IL1RAPL1: variants seen among roughly 807,000 people sequenced by gnomAD.
The protein encoded by IL1RAPL1 is interleukin-1 receptor accessory protein-like 1.
Under a neutral mutation model 48.4 loss-of-function variants are expected in IL1RAPL1, and 3 were observed. That is an observed-to-expected ratio of 0.06 (90% CI 0.03 to 0.16). IL1RAPL1 has a LOEUF of 0.16. Among genes scored for constraint, IL1RAPL1 ranks in the 10% least tolerant of loss-of-function variants. The probability of loss-of-function intolerance (pLI) is 1.00; values close to 1 mark genes in which losing one functional copy is unlikely to be tolerated. For synonymous variants in IL1RAPL1, 185 were observed against 187.7 expected, an observed-to-expected ratio of 0.99 and a Z score of 0.12; for missense variants, 349 against 530.6, an observed-to-expected ratio of 0.66 and a Z score of 3.36.
chrX:29,313,331 A>G lies in IL1RAPL1; in HGVS notation c.362+30114A>G, dbSNP rs772027418. Among the ~76,000 whole-genome samples, 234 of 108,925 alleles carry G rather than the reference A, an allele frequency of 2.1e-3. 1 individual carries two copies. The highest frequency in any genetic ancestry group is 7.6e-3 in the African/African-American group (228 of 29,846). 94.6% of individuals were successfully genotyped at this position (108,925 alleles called of 115,157 possible). Reference sequence around the variant, plus strand: ...CACGCTCATAGTCTGTCTTTTCCCAACTTCGACAATTGTCCCACTGATTTC... The same window carrying G: ...CACGCTCATAGTCTGTCTTTTCCCAGCTTCGACAATTGTCCCACTGATTTC... On this transcript the variant is annotated intron_variant, in intron 3 of 10. Transcript: ENST00000378993.
intron 2 of IL1RAPL1, among the ~76,000 whole-genome samples, chrX:29,018,043 A>T (rs895644676): frequency 8.9e-6 from 1 of 111,740 alleles, no homozygotes; most frequent in African/African-American, 3.3e-5. Flanking sequence ...GATCATGGAA[A>T]TAACTGAATT....
rs962181935 is a variant in IL1RAPL1, at chrX:29,701,014, T to C, written c.778+32510T>C. On this transcript the variant is annotated intron_variant, in intron 6 of 10. Coordinates refer to ENST00000378993, the MANE Select transcript of IL1RAPL1 (RefSeq NM_014271.4). ...TGAATCTACAAACTTTCAGGAACTT[T>C]GATTACAAGGACCATCAGAGAAAGG... Among the ~76,000 whole-genome samples the C allele has an allele frequency of 2.7e-5, 3 of 112,184 alleles. No homozygotes were observed. The East Asian group carries it at 8.4e-4, about 31-fold the overall frequency.
intron 1 of IL1RAPL1, among the ~76,000 whole-genome samples, chrX:28,682,965 C>T (rs901031959): frequency 3.6e-5 from 4 of 111,935 alleles, no homozygotes; most frequent in Admixed American, 1.9e-4. Flanking sequence ...TCCAGAGAAA[C>T]CACAGATTCT....
intron 2 of IL1RAPL1, among the ~76,000 whole-genome samples, chrX:28,857,353 A>AT (rs1273230287): frequency 8.9e-6 from 1 of 112,041 alleles, no homozygotes; most frequent in East Asian, 2.8e-4. Context: ...TAAACAATAG[A>AT]TTTTTGGTGT....
chrX:29,691,738 G>A (rs984822357), intron 6 of IL1RAPL1, among the ~76,000 whole-genome samples: 1 of 81,282 alleles, frequency 1.2e-5, no homozygotes, highest in South Asian at 7.8e-4. Flanking sequence ...GCGACAGAGC[G>A]AGACTCCGTC....
At chrX:28,851,788 C>A (rs1156610025) in intron 2 of IL1RAPL1, among the ~76,000 whole-genome samples, 1 of 111,962 alleles carries the variant, frequency 8.9e-6, no homozygotes, top group Non-Finnish European at 1.9e-5. Context: ...ACGGAACCCC[C>A]AAATGACACC....
intron 2 of IL1RAPL1, among the ~76,000 whole-genome samples, chrX:28,945,901 A>ATG (rs202053693): frequency 0.018 from 1,737 of 94,657 alleles, 33 homozygotes; most frequent in African/African-American, 0.063. Context: ...ATATATATAT[A>ATG]TATGTGTGTG....
intron 8 of IL1RAPL1, among the ~76,000 whole-genome samples, chrX:29,931,046 C>G (rs1214548552): frequency 9.0e-6 from 1 of 111,589 alleles, no homozygotes; most frequent in Non-Finnish European, 1.9e-5. Flanking sequence ...GACTTCTTCT[C>G]AAGTTTGTCA....
Position 28,722,202 on chromosome X carries a change from T to C in IL1RAPL1, c.-24-67118T>C, listed in dbSNP as rs1426211587. On this transcript the variant is annotated intron_variant, in intron 1 of 10. Coordinates refer to ENST00000378993, the MANE Select transcript of IL1RAPL1 (RefSeq NM_014271.4). ...ACCTTGGGCAGTATGGCCATTTTCATGATATTAATTCTTCCTATCCATGAG... is the reference window on the plus strand; with the variant it reads ...ACCTTGGGCAGTATGGCCATTTTCACGATATTAATTCTTCCTATCCATGAG... Among the ~76,000 whole-genome samples, 3 of 111,713 alleles carry C rather than the reference T, an allele frequency of 2.7e-5. No individual in the cohort carries two copies. In the East Asian group the frequency reaches 8.4e-4, roughly 31 times the overall value.
chrX:28,906,375 G>A (rs1419240841), intron 2 of IL1RAPL1, among the ~76,000 whole-genome samples: 1 of 112,274 alleles, frequency 8.9e-6, no homozygotes, highest in East Asian at 2.8e-4. Context: ...CAAAGGCTCT[G>A]AGTCAGAAGC....
At chrX:29,807,621 CAAAAA>C (rs60391165) in intron 6 of IL1RAPL1, among the ~76,000 whole-genome samples, 28 of 26,017 alleles carry the variant, frequency 1.1e-3, no homozygotes, top group South Asian at 9.2e-3. Flanking sequence ...TCTCTCAAGA[CAAAAA>C]AAAAAAAAAA....
chrX:28,618,007 G>A (rs187312567), intron 1 of IL1RAPL1, among the ~76,000 whole-genome samples: 74 of 111,928 alleles, frequency 6.6e-4, no homozygotes, highest in African/African-American at 2.4e-3. Flanking sequence ...AATGGTTTGT[G>A]TCATCCTCCC....
At chrX:28,779,529 AT>A (rs1342786754) in intron 1 of IL1RAPL1, among the ~76,000 whole-genome samples, 1 of 104,205 alleles carries the variant, frequency 9.6e-6, no homozygotes, top group Non-Finnish European at 2.0e-5. Flanking sequence ...GTTTATCATG[AT>A]TTCTTTTGTT....
chrX:29,228,332 A>AGTGTGTGTGTGTGTGTGTGT (rs1555978439), intron 2 of IL1RAPL1, among the ~76,000 whole-genome samples: 3 of 79,566 alleles, frequency 3.8e-5, no homozygotes, highest in African/African-American at 1.4e-4. Flanking sequence ...AGTTTTGCCT[A>AGTGTGTGTGTGTGTGTGTGT]GTGTGTGTGT....
chrX:29,191,905 C>T (rs887243284), intron 2 of IL1RAPL1, among the ~76,000 whole-genome samples: 1 of 111,540 alleles, frequency 9.0e-6, no homozygotes, highest in Non-Finnish European at 1.9e-5. Flanking sequence ...GTCTAAGATG[C>T]GACTACCCCA....
rs754827042 is a variant in IL1RAPL1, at chrX:28,946,955, CAGTA to C, written c.82+157533_82+157536del. Among the ~76,000 whole-genome samples, 26 of 111,736 alleles carry C rather than the reference CAGTA, an allele frequency of 2.3e-4. No homozygotes were observed. The East Asian group carries it at 7.1e-3, about 30-fold the overall frequency. On this transcript the variant is annotated intron_variant, in intron 2 of 10. Transcript: ENST00000378993. ...TTAACAAATTTGAACACTGAGGAAA[CAGTA>C]AGGGAAAAACTGAATGCTAATAAGC...
At chrX:29,306,178 TG>T (rs1354194290) in intron 3 of IL1RAPL1, among the ~76,000 whole-genome samples, 1 of 112,120 alleles carries the variant, frequency 8.9e-6, no homozygotes, top group Non-Finnish European at 1.9e-5. Context: ...AATTCTCACA[TG>T]TTTAATTCCC....
intron 2 of IL1RAPL1, among the ~76,000 whole-genome samples, chrX:29,050,234 C>T (rs930377196): frequency 2.7e-5 from 3 of 111,830 alleles, no homozygotes; most frequent in East Asian, 2.8e-4. Context: ...TGAAGATTAC[C>T]GATTGAGTAT....
chrX:29,839,004 T>G (rs1281536068), intron 6 of IL1RAPL1, among the ~76,000 whole-genome samples: 1 of 112,032 alleles, frequency 8.9e-6, no homozygotes, highest in African/African-American at 3.2e-5. Flanking sequence ...TTCCAAATGA[T>G]GGTGTGGCAG....
Sources: allele counts gnomAD v4.1 joint callset (sites outside exome capture counted in the v4.1 genomes callset), GRCh38; gene constraint gnomAD v4.1.1; transcripts MANE v1.5; gene names NCBI Gene and HGNC (gene_info 2026-07-23, HGNC 2026-07-21).